The following ERCC6 variants were observed in gnomAD, a reference collection of about 807,000 sequenced individuals.
ERCC6 encodes ERCC excision repair 6, chromatin remodeling factor, also known as DNA excision repair protein ERCC-6.
In ERCC6, 116 loss-of-function variants were observed where a neutral mutation model predicts 158.7. The ratio of observed to expected loss-of-function variants is 0.73; its 90% CI spans 0.63 to 0.85. The LOEUF (loss-of-function observed/expected upper bound fraction) is 0.85, where lower values mean the gene tolerates loss of function less well. Ranked by LOEUF, ERCC6 falls within the 40% of genes least tolerant of loss-of-function variation. The pLI, the probability that ERCC6 is intolerant of heterozygous loss-of-function variation, is 0.00. For synonymous variants in ERCC6, 678 were observed against 659.3 expected, an observed-to-expected ratio of 1.03 and a Z score of -0.43; for missense variants, 1,698 against 1,799.4, an observed-to-expected ratio of 0.94 and a Z score of 1.02.
chr10:49,464,625 G>A (rs1434868781), intron 18 of ERCC6, among the ~76,000 whole-genome samples: 1 of 152,260 alleles, frequency 6.6e-6, no homozygotes, highest in East Asian at 1.9e-4. Context: ...GGTTTCACGG[G>A]CCTGGCCCAT....
At chr10:49,477,594 G>A (rs987772574) in intron 11 of ERCC6, among the ~76,000 whole-genome samples, 3 of 151,952 alleles carry the variant, frequency 2.0e-5, no homozygotes, top group Non-Finnish European at 4.4e-5. Flanking sequence ...CTCACCTTCC[G>A]ATGCCCAGGT....
intron 4 of ERCC6, among the ~76,000 whole-genome samples, chr10:49,527,558 C>T (rs544920485): frequency 6.4e-4 from 97 of 152,236 alleles, no homozygotes; most frequent in Middle Eastern, 3.4e-3. Flanking sequence ...CGCCTGTAAT[C>T]CAGCTACTTG....
chr10:49,442,388 G>T, the ERCC6 span, among the ~76,000 whole-genome samples: 3 of 152,212 alleles, frequency 2.0e-5, no homozygotes, highest in Non-Finnish European at 4.4e-5. Flanking sequence ...AAGAAGAAAA[G>T]GATCAATGGT....
chr10:49,515,711 T>C (rs1275695910), intron 5 of ERCC6: 1 of 1,614,058 alleles, frequency 6.2e-7, no homozygotes, highest in African/African-American at 1.3e-5. Context: ...TATCAATGTT[T>C]TCATCAGCTC....
chr10:49,522,393 C>T (rs1320652546), intron 5 of ERCC6, among the ~76,000 whole-genome samples: 12 of 152,112 alleles, frequency 7.9e-5, no homozygotes, highest in South Asian at 2.1e-4. Context: ...AGTTTAACAG[C>T]CTTAATAACT....
chr10:49,526,115 TTTTATATATATATATATATA>T lies in ERCC6; in HGVS notation c.653-1358_653-1339del, dbSNP rs1181728548. On this transcript the variant is annotated intron_variant, in intron 4 of 20. Transcript: ENST00000355832. ...TTTATATATTTATATATTTATATATTTTTATATATATATATATATATATATATATATATATATATATATAT... is the reference window on the plus strand; with the variant it reads ...TTTATATATTTATATATTTATATATTTATATATATATATATATATATATAT... Among the ~76,000 whole-genome samples the T allele has an allele frequency of 2.5e-3, 259 of 105,440 alleles. 13 individuals carry two copies. Among genetic ancestry groups the T allele is most frequent in the Middle Eastern group, 4.7e-3 (1 of 212 alleles). 69.2% of individuals were successfully genotyped at this position (105,440 alleles called of 152,430 possible).
chr10:49,463,886 C>T (rs1850626236), intron 18 of ERCC6, among the ~76,000 whole-genome samples: 1 of 152,176 alleles, frequency 6.6e-6, no homozygotes, highest in Non-Finnish European at 1.5e-5. Context: ...GTTGATTAAA[C>T]CTCTTTCTTT....
At chr10:49,503,609 G>C (rs1054433156) in intron 6 of ERCC6, 1 of 152,094 alleles carries the variant, frequency 6.6e-6, no homozygotes, top group Non-Finnish European at 1.5e-5. Flanking sequence ...TGCTAGATGA[G>C]GAATATAAGG....
In ERCC6 at chr10:49,504,413, T is replaced by G. The variant is rs192124794; in HGVS notation, c.1526+1471A>C. 4.2e-3 allele frequency: 638 copies of G among 152,270 alleles called. 3 individuals are homozygous for G. The highest frequency in any genetic ancestry group is 0.015 in the African/African-American group (614 of 41,578). 9.4% of individuals were successfully genotyped at this position (152,270 alleles called of 1,614,324 possible). ...TGTTAATACACTGAATCCTAAATAC[T>G]TTTAGTAAGCAAAGTTTAGTACTAT... On this transcript the variant is annotated intron_variant, in intron 6 of 20. Transcript: ENST00000355832.
the ERCC6 span, among the ~76,000 whole-genome samples, chr10:49,446,176 G>C: frequency 6.6e-6 from 1 of 151,686 alleles, no homozygotes; most frequent in Non-Finnish European, 1.5e-5. Flanking sequence ...AAACCATGCT[G>C]GTGAGAAAGC....
At position 49,493,127 on chromosome 10, in the gene ERCC6, GTATAGGAACCGGTTTCA is replaced by G. The variant is rs750598605; in HGVS notation, c.1794_1810del (p.Glu599ProfsTer30). The G allele has an allele frequency of 6.2e-7, 1 of 1,613,954 alleles. No individual in the cohort carries two copies. Among genetic ancestry groups the G allele is most frequent in the African/African-American group, 1.3e-5 (1 of 74,906 alleles). ...GAAATATTGTGTTACCTTTTTGTGG[GTATAGGAACCGGTTTCA>G]TGTAGAATTGCCACTCTGAACGGAG... On this transcript the variant is annotated frameshift_variant, in exon 8 of 21. Coordinates refer to ENST00000355832, the MANE Select transcript of ERCC6 (RefSeq NM_000124.4). LOFTEE classifies it high-confidence loss of function.
the ERCC6 span, among the ~76,000 whole-genome samples, chr10:49,439,479 A>G: frequency 1.3e-5 from 2 of 152,218 alleles, no homozygotes; most frequent in African/African-American, 4.8e-5. Context: ...CCAGCCCATG[A>G]AACCACTTTT....
rs577441135 is a variant in ERCC6 at position 49,477,059 on chromosome 10, G to A, written c.2287-749C>T. 2.0e-5 allele frequency among the ~76,000 whole-genome samples: 3 copies of A among 152,206 alleles called. No individual in the cohort carries two copies. In the South Asian group the frequency reaches 6.2e-4, roughly 32 times the overall value. On this transcript the variant is annotated intron_variant, in intron 11 of 20. Transcript: ENST00000355832. ...CCTGCCATGGCCTGTCCTGCTCCAG[G>A]GGGTCCTCTACGCATGCCCGCCCAG...
intron 15 of ERCC6, 28 bp from the exon 16 acceptor site, chr10:49,472,498 A>G (rs759987640): frequency 1.2e-6 from 2 of 1,602,746 alleles, no homozygotes; most frequent in Non-Finnish European, 1.7e-6. Context: ...AGACCTCTCA[A>G]CGAGAATCCT....
In ERCC6 at chr10:49,537,814, C is replaced by A. The variant is rs145468454; in HGVS notation, c.-15+1148G>T. Reference sequence around the variant, plus strand: ...CCAGGCTCACTGCAACCTCCGCCTTCCGGGTTCAAGCGATTCTCCTGCCTT... The same window carrying A: ...CCAGGCTCACTGCAACCTCCGCCTTACGGGTTCAAGCGATTCTCCTGCCTT... On this transcript the variant is annotated intron_variant, in intron 1 of 20. Transcript: ENST00000355832. Among the ~76,000 whole-genome samples, 1,316 of 152,296 alleles carry A rather than the reference C, an allele frequency of 8.6e-3. 23 individuals are homozygous for A. Among genetic ancestry groups the A allele is most frequent in the African/African-American group, 0.03 (1,237 of 41,572 alleles).
chr10:49,468,625 A>C (rs1202622289), intron 18 of ERCC6, among the ~76,000 whole-genome samples: 3 of 152,220 alleles, frequency 2.0e-5, no homozygotes, highest in African/African-American at 7.2e-5. Context: ...GCACGTATGT[A>C]TGTGTATATG....
intron 1 of ERCC6, among the ~76,000 whole-genome samples, chr10:49,535,528 C>T (rs1837575868): frequency 6.6e-6 from 1 of 152,162 alleles, no homozygotes; most frequent in African/African-American, 2.4e-5. Context: ...AGCAGGATTC[C>T]AGCTCAGAGT....
At chr10:49,496,694 G>C (rs974826223) in intron 7 of ERCC6, among the ~76,000 whole-genome samples, 3 of 152,144 alleles carry the variant, frequency 2.0e-5, no homozygotes, top group Non-Finnish European at 4.4e-5. Context: ...TGTAATCCCA[G>C]CTACTTGGGA....
chr10:49,524,827 G>T, intron 4 of ERCC6, 50 bp from the exon 5 acceptor site: 1 of 1,595,516 alleles, frequency 6.3e-7, no homozygotes, highest in Admixed American at 1.7e-5. Context: ...ACTTTCCGAG[G>T]GTACAAAAGA....
Sources: gnomAD v4.1 joint callset for allele counts (sites outside exome capture counted in the v4.1 genomes callset) on GRCh38, gnomAD v4.1.1 for gene constraint, MANE v1.5 for transcripts, NCBI Gene and HGNC (gene_info 2026-07-23, HGNC 2026-07-21) for gene names.